Variants in EXOC6B observed in about 807,000 individuals in gnomAD.
EXOC6B encodes the protein exocyst complex component 6B.
In EXOC6B, 54 loss-of-function variants were observed where a neutral mutation model predicts 113.5. The observed-to-expected ratio is 0.48, with a 90% CI of 0.38 to 0.60. EXOC6B has a LOEUF of 0.60. Ranked by LOEUF, EXOC6B falls within the 20% of genes least tolerant of loss-of-function variation. EXOC6B has a pLI of 0.00. For synonymous variants in EXOC6B, 357 were observed against 339.0 expected, an observed-to-expected ratio of 1.05 and a Z score of -0.58; for missense variants, 797 against 977.5, an observed-to-expected ratio of 0.82 and a Z score of 2.46.
intron 8 of EXOC6B, among the ~76,000 whole-genome samples, chr2:72,557,691 G>T (rs1703642709): frequency 6.6e-6 from 1 of 151,968 alleles, no homozygotes; most frequent in African/African-American, 2.4e-5. Context: ...AAGCAGAAAA[G>T]ATAATTTTTG....
At chr2:72,490,759 T>C (rs1699698175) in intron 16 of EXOC6B, among the ~76,000 whole-genome samples, 2 of 152,152 alleles carry the variant, frequency 1.3e-5, no homozygotes, top group South Asian at 2.1e-4. Context: ...CTTCCTATTA[T>C]TACCTGACCC....
At chr2:72,436,691 C>A (rs142825625) in intron 18 of EXOC6B, among the ~76,000 whole-genome samples, 2 of 151,870 alleles carry the variant, frequency 1.3e-5, no homozygotes, top group Non-Finnish European at 2.9e-5. Flanking sequence ...TTGATCAATT[C>A]GGCTAATGAT....
chr2:72,224,992 G>GTATATATATATATATATATATA (rs1325223051), intron 20 of EXOC6B, among the ~76,000 whole-genome samples: 1 of 118,100 alleles, frequency 8.5e-6, no homozygotes, highest in African/African-American at 2.9e-5. Context: ...ATGTGTGTGT[G>GTATATATATATATATATATATA]TGTATATATA....
At chr2:72,386,999 T>C (rs796505740) in intron 18 of EXOC6B, among the ~76,000 whole-genome samples, 3 of 152,312 alleles carry the variant, frequency 2.0e-5, no homozygotes, top group African/African-American at 7.2e-5. Context: ...CATCATTAAG[T>C]AAAATGTTAG....
intron 16 of EXOC6B, among the ~76,000 whole-genome samples, chr2:72,491,708 A>G (rs1699754485): frequency 6.6e-6 from 1 of 152,140 alleles, no homozygotes; most frequent in African/African-American, 2.4e-5. Flanking sequence ...AATATATGTA[A>G]AATATCCCTC....
At chr2:72,770,463 A>G (rs1683353582) in intron 1 of EXOC6B, among the ~76,000 whole-genome samples, 1 of 152,238 alleles carries the variant, frequency 6.6e-6, no homozygotes, top group South Asian at 2.1e-4. Context: ...ACATCCCAGT[A>G]AGATCTTAAG....
intron 6 of EXOC6B, among the ~76,000 whole-genome samples, chr2:72,710,093 A>G (rs1679179889): frequency 6.6e-6 from 1 of 152,120 alleles, no homozygotes; most frequent in East Asian, 1.9e-4. Flanking sequence ...TTTAATAGAG[A>G]CGGGGTTTCA....
At position 72,179,320 on chromosome 2, in the gene EXOC6B, G is replaced by A. The variant is rs1402954570; in HGVS notation, c.*15C>T. Reference sequence around the variant, plus strand: ...AGGCTGCAGCAGGTCGCCTCTGTGGGTCCGGGGTCACCCTTCATGAGTGGT... The same window carrying A: ...AGGCTGCAGCAGGTCGCCTCTGTGGATCCGGGGTCACCCTTCATGAGTGGT... On this transcript the variant is annotated 3_prime_UTR_variant, in exon 22 of 22. Coordinates refer to ENST00000272427, the MANE Select transcript of EXOC6B (RefSeq NM_015189.3). 1 of 1,590,172 alleles carries A rather than the reference G, an allele frequency of 6.3e-7. No individual in the cohort carries two copies. Among genetic ancestry groups the A allele is most frequent in the Non-Finnish European group, 8.6e-7 (1 of 1,167,420 alleles).
At chr2:72,494,460 T>C (rs1699927534) in intron 15 of EXOC6B, among the ~76,000 whole-genome samples, 1 of 152,142 alleles carries the variant, frequency 6.6e-6, no homozygotes, top group South Asian at 2.1e-4. Flanking sequence ...GACAAATTAA[T>C]TGTACAAACC....
chr2:72,379,999 C>G lies in EXOC6B; in HGVS notation c.1981-129G>C. On this transcript the variant is annotated intron_variant, in intron 18 of 21. Transcript: ENST00000272427. ...CTAAGGTTCTCCTCATCATAATACC[C>G]TTCCATTCAAATAATCTTGGAATTA... is the stretch of plus-strand genomic sequence containing the variant. 3 of 771,240 alleles carry G rather than the reference C, an allele frequency of 3.9e-6. No homozygotes were observed. In the East Asian group the frequency reaches 9.0e-5, roughly 23 times the overall value. 47.8% of individuals were successfully genotyped at this position (771,240 alleles called of 1,614,324 possible).
intron 19 of EXOC6B, among the ~76,000 whole-genome samples, chr2:72,364,148 T>C (rs1690473677): frequency 6.6e-6 from 1 of 152,112 alleles, no homozygotes; most frequent in African/African-American, 2.4e-5. Flanking sequence ...TTTATACGCC[T>C]CTGTATAGTT....
At chr2:72,575,408 A>T (rs973561057) in intron 7 of EXOC6B, 84 bp downstream of exon 7, 3 of 1,268,696 alleles carry the variant, frequency 2.4e-6, no homozygotes, top group African/African-American at 3.1e-5. Context: ...AAACTACATT[A>T]TATGGATAAA....
At chr2:72,491,403 C>A (rs114293945) in intron 16 of EXOC6B, among the ~76,000 whole-genome samples, 11 of 152,024 alleles carry the variant, frequency 7.2e-5, no homozygotes, top group African/African-American at 2.7e-4. Context: ...CCTTTTGCTG[C>A]GCTTCACCAT....
At chr2:72,701,884 A>C (rs1436175910) in intron 6 of EXOC6B, among the ~76,000 whole-genome samples, 2 of 151,386 alleles carry the variant, frequency 1.3e-5, no homozygotes, top group African/African-American at 2.4e-5. Flanking sequence ...CTGGTACAGA[A>C]GGCAATTATC....
At chr2:72,532,584 C>T (rs903664000) in intron 8 of EXOC6B, among the ~76,000 whole-genome samples, 26 of 152,070 alleles carry the variant, frequency 1.7e-4, no homozygotes, top group South Asian at 6.2e-4. Flanking sequence ...CCGAGGCGGG[C>T]GGATCACCAG....
At chr2:72,204,376 T>C (rs1312548029) in intron 20 of EXOC6B, among the ~76,000 whole-genome samples, 3 of 152,238 alleles carry the variant, frequency 2.0e-5, no homozygotes, top group Admixed American at 1.3e-4. Flanking sequence ...CTGCTTTCTG[T>C]TGCTGTTTCT....
intron 8 of EXOC6B, among the ~76,000 whole-genome samples, chr2:72,520,967 A>G (rs1026988471): frequency 6.6e-6 from 1 of 152,168 alleles, no homozygotes; most frequent in African/African-American, 2.4e-5. Flanking sequence ...AGAGCTTAAA[A>G]TGGAAACTCC....
intron 11 of EXOC6B, among the ~76,000 whole-genome samples, chr2:72,510,794 AAAGT>A (rs1404523393): frequency 2.0e-5 from 3 of 152,046 alleles, no homozygotes; most frequent in Non-Finnish European, 1.5e-5. Flanking sequence ...CAATGGGGAA[AAAGT>A]AAGGCACTCA....
intron 19 of EXOC6B, among the ~76,000 whole-genome samples, chr2:72,353,074 C>T (rs1029033974): frequency 6.6e-6 from 1 of 152,084 alleles, no homozygotes; most frequent in African/African-American, 2.4e-5. Context: ...CTTTGGCCTA[C>T]ATGGGTGAAA....
Sources: allele counts gnomAD v4.1 joint callset (sites outside exome capture counted in the v4.1 genomes callset), GRCh38; gene constraint gnomAD v4.1.1; transcripts MANE v1.5; gene names NCBI Gene and HGNC (gene_info 2026-07-23, HGNC 2026-07-21).